GARS1: variants seen among roughly 807,000 people sequenced by gnomAD.
The protein encoded by GARS1 is glycyl-tRNA synthetase 1.
GARS1 carries 46 observed loss-of-function variants against 86.4 expected under a neutral mutation model. That is an observed-to-expected ratio of 0.53 (90% confidence interval 0.42 to 0.68). The LOEUF (loss-of-function observed/expected upper bound fraction) is 0.68, where lower values mean the gene tolerates loss of function less well. GARS1 is among the 30% of genes least tolerant of loss of function. The probability of loss-of-function intolerance (pLI) is 0.00; values close to 1 mark genes in which losing one functional copy is unlikely to be tolerated. For synonymous variants in GARS1, 342 were observed against 329.8 expected (o/e 1.04, Z -0.40); for missense variants, 797 against 915.6 (o/e 0.87, Z 1.67).
rs758414117 is a variant in GARS1 at position 30,601,070 on chromosome 7, C to G, written c.439C>G (p.Leu147Val). The change falls in exon 4 of 17, where the codon CTG becomes GTG. Residue 147 changes from leucine to valine, a missense_variant. This residue lies in a region of GARS1 where 598 missense variants were observed against 738.7 expected (regional missense o/e 0.81). Coordinates refer to ENST00000389266, the MANE Select transcript of GARS1 (RefSeq NM_002047.4). ...CTCATATTCTATAGGTGTTAGTGGT[C>G]TGTATGACTTTGGGCCAGTTGGCTG... ...AFAIYGGVSGLYDFGPVGCAL... is the reference protein window; with the variant it reads ...AFAIYGGVSGVYDFGPVGCAL... 1.9e-6 allele frequency: 3 copies of G among 1,613,752 alleles called. No homozygotes were observed. The African/African-American group carries it at 4.0e-5, about 22-fold the overall frequency.
At chr7:30,617,480 A>C (rs1054238031) in intron 10 of GARS1, among the ~76,000 whole-genome samples, 11 of 152,226 alleles carry the variant, frequency 7.2e-5, no homozygotes, top group African/African-American at 2.4e-4. Context: ...TAGATAGCTG[A>C]GAGACAGAGT....
chr7:30,595,261 C>A (rs1425284650), intron 1 of GARS1, 118 bp downstream of exon 1: 1 of 1,010,516 alleles, frequency 9.9e-7, no homozygotes, highest in Non-Finnish European at 1.5e-6. Context: ...CTTTCTTTCC[C>A]TTCATCCTCT....
At chr7:30,623,509 G>GA (rs1783061858) in intron 12 of GARS1, among the ~76,000 whole-genome samples, 1 of 152,108 alleles carries the variant, frequency 6.6e-6, no homozygotes, top group African/African-American at 2.4e-5. Context: ...AAACATTACA[G>GA]AAGAAAGGTC....
At chr7:30,598,527 T>G (rs1791305480) in intron 1 of GARS1, among the ~76,000 whole-genome samples, 1 of 152,118 alleles carries the variant, frequency 6.6e-6, no homozygotes, top group Admixed American at 6.5e-5. Flanking sequence ...TGGCTGGGAT[T>G]ACAGGTGCCC....
At chr7:30,617,300 A>G (rs1562778277) in intron 10 of GARS1, 22 bp downstream of exon 10, 1 of 1,612,618 alleles carries the variant, frequency 6.2e-7, no homozygotes, top group Admixed American at 1.7e-5. Flanking sequence ...GCTGTTTACC[A>G]TGTGATTTTC....
intron 3 of GARS1, 123 bp from the exon 4 acceptor site, chr7:30,600,936 G>T (rs1584023739): frequency 1.2e-6 from 1 of 868,486 alleles, no homozygotes; most frequent in East Asian, 2.4e-5. Context: ...CAGTATTGAG[G>T]GATTTGCATT....
Position 30,612,742 on chromosome 7 carries a change from G to A in GARS1, c.1031+497G>A, listed in dbSNP as rs1224600814. Among the ~76,000 whole-genome samples, 12 of 152,124 alleles carry A rather than the reference G, an allele frequency of 7.9e-5. No individual in the cohort carries two copies. In the East Asian group the frequency reaches 2.1e-3, roughly 27 times the overall value. Reference sequence around the variant, plus strand: ...AACAACCTCCGTCCAGGTATTTGGGGGGCCTATATGACAGAAAGGCCAGCA... The same window carrying A: ...AACAACCTCCGTCCAGGTATTTGGGAGGCCTATATGACAGAAAGGCCAGCA... On this transcript the variant is annotated intron_variant, in intron 8 of 16. Transcript: ENST00000389266.
At chr7:30,606,052 T>C (rs1269893278) in intron 6 of GARS1, among the ~76,000 whole-genome samples, 2 of 152,210 alleles carry the variant, frequency 1.3e-5, no homozygotes, top group Non-Finnish European at 2.9e-5. Context: ...TTCCTTACTG[T>C]TTTCTACTGT....
At position 30,609,641 on chromosome 7, in the gene GARS1, A is replaced by G. The variant is rs779588993; in HGVS notation, c.792A>G (p.Lys264=). 6.2e-7 allele frequency: 1 copy of G among 1,613,108 alleles called. No individual in the cohort carries two copies. The highest frequency in any genetic ancestry group is 1.7e-5 in the Admixed American group (1 of 60,020). Residue 264 remains lysine, a synonymous_variant, in exon 7 of 17, where the codon AAA becomes AAG. Transcript: ENST00000389266. ...ATCTTTTTGTGAACTATAATGTAAA[A>G]TCTCCCATTACTGGAAATGATCTAT... ...LADLFVNYNV[K]SPITGNDLSP...
At chr7:30,629,768 G>GT (rs1783200435) in intron 14 of GARS1, among the ~76,000 whole-genome samples, 1 of 152,184 alleles carries the variant, frequency 6.6e-6, no homozygotes, top group African/African-American at 2.4e-5. Context: ...TCAACAGATT[G>GT]TAAGAACCTG....
intron 9 of GARS1, among the ~76,000 whole-genome samples, chr7:30,616,590 C>T (rs182686544): frequency 4.5e-4 from 68 of 152,282 alleles, no homozygotes; most frequent in African/African-American, 1.5e-3. Flanking sequence ...CAAGGTTGGA[C>T]GATAGCTTGT....
intron 6 of GARS1, among the ~76,000 whole-genome samples, chr7:30,608,752 G>T (rs1358115335): frequency 1.3e-5 from 2 of 152,152 alleles, no homozygotes; most frequent in Admixed American, 1.3e-4. Context: ...TGCATAGCAA[G>T]GTAGAAGCTG....
chr7:30,609,675 G>C lies in GARS1; in HGVS notation c.826G>C (p.Val276Leu), dbSNP rs1186534585. Residue 276 changes from valine to leucine, a missense_variant, in exon 7 of 17, where the codon GTG (valine) becomes CTG (leucine). Physicochemically the swap from Val to Leu is conservative, Grantham distance 32 (BLOSUM62 1). This residue lies in a region of GARS1 where 598 missense variants were observed against 738.7 expected (regional missense o/e 0.81). Coordinates refer to ENST00000389266, the MANE Select transcript of GARS1 (RefSeq NM_002047.4). ...PITGNDLSPP[V>L]SFNLMFKTFI... ...TACTGGAAATGATCTATCCCCTCCA[G>C]TGTCTTTTAACTTAATGTTCAAGAC... is the stretch of plus-strand genomic sequence containing the variant. 10 of 1,613,472 alleles carry C rather than the reference G, an allele frequency of 6.2e-6. No individual in the cohort carries two copies. In the Admixed American group the frequency reaches 1.7e-4, roughly 27 times the overall value.
chr7:30,599,776 C>T (rs1206035611), intron 2 of GARS1, among the ~76,000 whole-genome samples, 171 bp from the exon 3 acceptor site: 1 of 152,034 alleles, frequency 6.6e-6, no homozygotes, highest in African/African-American at 2.4e-5. Flanking sequence ...TTTTATATTA[C>T]TCAAAGGGAA....
At chr7:30,608,002 A>G (rs2128133570) in intron 6 of GARS1, among the ~76,000 whole-genome samples, 2 of 152,310 alleles carry the variant, frequency 1.3e-5, no homozygotes, top group Middle Eastern at 6.8e-3. Flanking sequence ...TTGGTCCCTC[A>G]TAGTATATAG....
chr7:30,596,761 A>G (rs536645257), intron 1 of GARS1, among the ~76,000 whole-genome samples: 2 of 152,308 alleles, frequency 1.3e-5, no homozygotes, highest in East Asian at 3.9e-4. Flanking sequence ...CACATATATC[A>G]GTTAGTTAAT....
Position 30,632,574 on chromosome 7 carries a change from CAG to C in GARS1, c.2094+140_2094+141del. 1.2e-6 allele frequency: 1 copy of C among 855,024 alleles called. No individual in the cohort carries two copies. 53.0% of individuals were successfully genotyped at this position (855,024 alleles called of 1,614,324 possible). On this transcript the variant is annotated intron_variant, in intron 16 of 16. Transcript: ENST00000389266. This position sits in a 1 kb window ranked among gnomAD's most constrained non-coding sequence, Gnocchi z 4.1. ...ATTTTAATGAACGGCTTGTATCAGA[CAG>C]AGCCCAGATTCTCAAGTCCCCCGGT... is the stretch of plus-strand genomic sequence containing the variant.
chr7:30,626,797 AT>A (rs1306669292), intron 13 of GARS1, among the ~76,000 whole-genome samples: 1 of 152,204 alleles, frequency 6.6e-6, no homozygotes, highest in African/African-American at 2.4e-5. Flanking sequence ...CCTGGCCAAC[AT>A]GGTGAAACCC....
Position 30,632,206 on chromosome 7 carries a change from C to A in GARS1, c.1904-41C>A, listed in dbSNP as rs1783247904. ...TAGTTAGATAACACTGGGCTTAACTCCATTGTTTTATTTTTAATTTACTTT... is the reference window on the plus strand; with the variant it reads ...TAGTTAGATAACACTGGGCTTAACTACATTGTTTTATTTTTAATTTACTTT... On this transcript the variant is annotated intron_variant, in intron 15 of 16. Transcript: ENST00000389266. This position sits in a 1 kb window ranked among gnomAD's most constrained non-coding sequence, Gnocchi z 4.1. 6.3e-7 allele frequency: 1 copy of A among 1,597,796 alleles called. No homozygotes were observed.
Sources: gnomAD v4.1 joint callset for allele counts (sites outside exome capture counted in the v4.1 genomes callset) on GRCh38, gnomAD v4.1.1 for gene constraint, gnomAD v4.1.1 regional missense constraint, Gnocchi (gnomAD v3.1) non-coding constraint, MANE v1.5 for transcripts, NCBI Gene and HGNC (gene_info 2026-07-23, HGNC 2026-07-21) for gene names.